Variants in EVC observed in about 807,000 individuals in gnomAD.
The protein encoded by EVC is evC complex member EVC.
In EVC, 116 loss-of-function variants were observed where a neutral mutation model predicts 118.9. The observed-to-expected ratio is 0.98, with a 90% CI of 0.84 to 1.14. The LOEUF (loss-of-function observed/expected upper bound fraction) is 1.14, where lower values mean the gene tolerates loss of function less well. EVC is among the 50% of genes most tolerant of loss of function. The pLI is 0.00. For synonymous variants in EVC, 619 were observed against 534.7 expected (o/e 1.16, Z -2.18); for missense variants, 1,401 against 1,246.4 (o/e 1.12, Z -1.87).
At position 5,749,955 on chromosome 4, in the gene EVC, C is replaced by A. The variant is rs1173282231; in HGVS notation, c.1098+1649C>A. Among the ~76,000 whole-genome samples, 10 of 152,194 alleles carry A rather than the reference C, an allele frequency of 6.6e-5. No homozygotes were observed. The highest frequency in any genetic ancestry group is 2.4e-4 in the African/African-American group (10 of 41,454). On this transcript the variant is annotated intron_variant, in intron 8 of 20. Transcript: ENST00000264956. This position sits in a 1 kb window ranked among gnomAD's most constrained non-coding sequence, Gnocchi z 4.4. ...TTAGAGTGCAGAATCCTGTCCTCCACCCTTCCCAAGCAGGATCTGCACTTT... is the reference window on the plus strand; with the variant it reads ...TTAGAGTGCAGAATCCTGTCCTCCAACCTTCCCAAGCAGGATCTGCACTTT...
intron 11 of EVC, among the ~76,000 whole-genome samples, chr4:5,779,161 C>A (rs532873510): frequency 0.015 from 2,326 of 150,986 alleles, 22 homozygotes; most frequent in Non-Finnish European, 0.024. Flanking sequence ...AGATATGCGG[C>A]ATTATTTCTG....
At chr4:5,804,943 C>G in intron 17 of EVC, 102 bp downstream of exon 17, 2 of 1,054,676 alleles carry the variant, frequency 1.9e-6, no homozygotes, top group Non-Finnish European at 2.9e-6. Flanking sequence ...GTGCATTGCC[C>G]GTGGACTTGG....
At chr4:5,800,465 G>T (rs1018584561) in intron 15 of EVC, among the ~76,000 whole-genome samples, 1 of 152,192 alleles carries the variant, frequency 6.6e-6, no homozygotes, top group South Asian at 2.1e-4. Flanking sequence ...GTGTGCCAGT[G>T]GGTACGGGGA....
At chr4:5,715,205 A>G (rs1723747087) in intron 1 of EVC, among the ~76,000 whole-genome samples, 1 of 152,204 alleles carries the variant, frequency 6.6e-6, no homozygotes, top group Non-Finnish European at 1.5e-5. Flanking sequence ...ATTTGAATGC[A>G]TTAGATATTT....
rs770696062 is a variant in EVC at position 5,798,745 on chromosome 4, C to G, written c.2257C>G (p.Arg753Gly). 2.5e-6 allele frequency: 4 copies of G among 1,611,016 alleles called. No individual in the cohort carries two copies. Among genetic ancestry groups the G allele is most frequent in the Non-Finnish European group, 2.5e-6 (3 of 1,179,948 alleles). The part of the protein sequence containing the change: ...AIGQALLVHA[R>G]NAATKSRAKD... ...TGGGCAGGCGCTGCTGGTGCATGCA[C>G]GGAATGCAGCCACCAAGAGCCGGGC... The change falls in exon 15 of 21, where the codon CGG becomes GGG. Residue 753 changes from arginine (R) to glycine (G), a missense_variant. Arg to Gly is a moderately radical substitution (Grantham distance 125, BLOSUM62 -2). Coordinates refer to ENST00000264956, the MANE Select transcript of EVC (RefSeq NM_153717.3). The surrounding 1 kb of genome is among the most constrained non-coding windows in gnomAD (Gnocchi z 4.1).
In EVC at chr4:5,789,962, C is replaced by T. The variant is rs1423467748; in HGVS notation, c.1777-3646C>T. Reference sequence around the variant, plus strand: ...TTGGGAGGCCAAGGCAGGTAGATCACCTGAGATCAAGAGTTCGAGACCAGC... The same window carrying T: ...TTGGGAGGCCAAGGCAGGTAGATCATCTGAGATCAAGAGTTCGAGACCAGC... On this transcript the variant is annotated intron_variant, in intron 12 of 20. Transcript: ENST00000264956. This position sits in a 1 kb window ranked among gnomAD's most constrained non-coding sequence, Gnocchi z 4.3. Among the ~76,000 whole-genome samples the T allele has an allele frequency of 2.0e-5, 3 of 152,072 alleles. No homozygotes were observed. The highest frequency in any genetic ancestry group is 4.8e-5 in the African/African-American group (2 of 41,408).
chr4:5,730,310 A>T (rs976266169), intron 3 of EVC, among the ~76,000 whole-genome samples: 2 of 152,176 alleles, frequency 1.3e-5, no homozygotes, highest in South Asian at 2.1e-4. Flanking sequence ...CCCAAAGCCT[A>T]TTGGAGGTTC....
chr4:5,752,768 T>C, intron 8 of EVC, 68 bp from the exon 9 acceptor site: 2 of 1,528,364 alleles, frequency 1.3e-6, no homozygotes, highest in South Asian at 1.1e-5. Flanking sequence ...TCTTCTCAGC[T>C]GTTAATTAAC....
chr4:5,809,335 G>T lies in EVC; in HGVS notation c.2689-183G>T, dbSNP rs541645222. Among the ~76,000 whole-genome samples, 13 of 152,312 alleles carry T rather than the reference G, an allele frequency of 8.5e-5. No individual in the cohort carries two copies. In the East Asian group the frequency reaches 2.5e-3, roughly 29 times the overall value. ...ACCCACAGTTATGCAGCAGGAGCTG[G>T]TAGATGCCAGTGTGTCCTCCTGCTC... On this transcript the variant is annotated intron_variant, in intron 18 of 20. Coordinates refer to ENST00000264956, the MANE Select transcript of EVC (RefSeq NM_153717.3).
chr4:5,762,049 C>CT (rs1470466219), intron 11 of EVC, among the ~76,000 whole-genome samples: 1 of 76,422 alleles, frequency 1.3e-5, no homozygotes, highest in African/African-American at 5.0e-5. Context: ...CTATCCCTCC[C>CT]CCCACCCCCA....
At chr4:5,804,872 C>G (rs1482755531) in intron 17 of EVC, 31 bp downstream of exon 17, 1 of 1,550,542 alleles carries the variant, frequency 6.4e-7, no homozygotes, top group Non-Finnish European at 8.9e-7. Flanking sequence ...CCACGTAGGG[C>G]TGTTCTCTAC....
At chr4:5,786,258 A>G (rs1711569904) in intron 12 of EVC, among the ~76,000 whole-genome samples, 1 of 152,232 alleles carries the variant, frequency 6.6e-6, no homozygotes, top group Non-Finnish European at 1.5e-5. Context: ...ATTTAATGGT[A>G]TTGATAGTGA....
Position 5,797,014 on chromosome 4 carries a change from C to G in EVC, c.1887-8C>G, listed in dbSNP as rs772745359. On this transcript the variant is annotated splice_region_variant and splice_polypyrimidine_tract_variant and intron_variant, in intron 13 of 20. Transcript: ENST00000264956. ...ATTGACCCCACCCCTCACCTGCTTTCCTCAAAGGTCCACGCGGTGTGTCCT... is the reference window on the plus strand; with the variant it reads ...ATTGACCCCACCCCTCACCTGCTTTGCTCAAAGGTCCACGCGGTGTGTCCT... 1.2e-6 allele frequency: 2 copies of G among 1,608,942 alleles called. No homozygotes were observed. The highest frequency in any genetic ancestry group is 2.2e-5 in the South Asian group (2 of 90,994).
At chr4:5,780,626 G>A (rs1264813226) in intron 11 of EVC, among the ~76,000 whole-genome samples, 7 of 152,160 alleles carry the variant, frequency 4.6e-5, no homozygotes, top group African/African-American at 1.7e-4. Context: ...CAAATGCAAA[G>A]GTGGTAAGAA....
Position 5,755,669 on chromosome 4 carries a change from C to T in EVC, c.1465-595C>T, listed in dbSNP as rs1487609518. On this transcript the variant is annotated intron_variant, in intron 10 of 20. Coordinates refer to ENST00000264956, the MANE Select transcript of EVC (RefSeq NM_153717.3). This position sits in a 1 kb window ranked among gnomAD's most constrained non-coding sequence, Gnocchi z 4.1. ...AGACTCCATTGAAACATCTCCCCAACAGGGAATTTTCTCCTGCAACCCTTC... is the reference window on the plus strand; with the variant it reads ...AGACTCCATTGAAACATCTCCCCAATAGGGAATTTTCTCCTGCAACCCTTC... Among the ~76,000 whole-genome samples the T allele has an allele frequency of 3.8e-4, 58 of 152,158 alleles. No individual in the cohort carries two copies. The highest frequency in any genetic ancestry group is 3.8e-3 in the Admixed American group (58 of 15,284).
At chr4:5,762,557 G>A (rs1484622300) in intron 11 of EVC, among the ~76,000 whole-genome samples, 1 of 146,084 alleles carries the variant, frequency 6.8e-6, no homozygotes, top group African/African-American at 2.5e-5. Context: ...ATCCTCTCCA[G>A]CACCTGTTGT....
chr4:5,791,250 G>A (rs1712728484), intron 12 of EVC, among the ~76,000 whole-genome samples: 1 of 152,194 alleles, frequency 6.6e-6, no homozygotes, highest in South Asian at 2.1e-4. Flanking sequence ...GATCTAAAGA[G>A]ATGGAAAATA....
At position 5,814,083 on chromosome 4, in the gene EVC, G is replaced by A. The variant is rs934986465; in HGVS notation, c.*3046G>A. The stretch of plus-strand genomic sequence containing the variant: ...CTGATGAAGGCTTGAAGGACGGAAG[G>A]GCTGAGCCACATGAAGGCAGCACTC... On this transcript the variant is annotated 3_prime_UTR_variant, in exon 21 of 21. Coordinates refer to ENST00000264956, the MANE Select transcript of EVC (RefSeq NM_153717.3). 1 of 152,308 alleles carries A rather than the reference G, an allele frequency of 6.6e-6. No homozygotes were observed. Among genetic ancestry groups the A allele is most frequent in the African/African-American group, 2.4e-5 (1 of 41,456 alleles). 9.4% of individuals were successfully genotyped at this position (152,308 alleles called of 1,614,324 possible). A position where few individuals can be genotyped will look rare whatever the true frequency, so the allele number is the denominator to read the frequency against.
intron 12 of EVC, among the ~76,000 whole-genome samples, chr4:5,786,102 G>T (rs998773159): frequency 6.6e-6 from 1 of 152,164 alleles, no homozygotes; most frequent in Non-Finnish European, 1.5e-5. Context: ...CCAGTGAGCT[G>T]ACCTCTTGCA....
Sources: allele counts gnomAD v4.1 joint callset (sites outside exome capture counted in the v4.1 genomes callset), GRCh38; gene constraint gnomAD v4.1.1; non-coding constraint Gnocchi (gnomAD v3.1); transcripts MANE v1.5; gene names NCBI Gene and HGNC (gene_info 2026-07-23, HGNC 2026-07-21).